The following STAG3 variants were observed in gnomAD, a reference collection of about 807,000 sequenced individuals.
STAG3 encodes the protein cohesin subunit SA-3.
In STAG3, 101 loss-of-function variants were observed where a neutral mutation model predicts 160.7. That is an observed-to-expected ratio of 0.63 (90% confidence interval 0.54 to 0.74). The LOEUF is 0.74. Among genes scored for constraint, STAG3 ranks in the 30% least tolerant of loss-of-function variants. The probability of loss-of-function intolerance (pLI) is 0.00; values close to 1 mark genes in which losing one functional copy is unlikely to be tolerated. For missense variants in STAG3, 1,188 were observed against 1,517.4 expected, an observed-to-expected ratio of 0.78 and a Z score of 3.61; for synonymous variants, 519 against 585.0, an observed-to-expected ratio of 0.89 and a Z score of 1.63.
chr7:100,183,248 A>T (rs1311722717), intron 4 of STAG3, among the ~76,000 whole-genome samples: 1 of 152,178 alleles, frequency 6.6e-6, no homozygotes, highest in Non-Finnish European at 1.5e-5. Flanking sequence ...TTCTGACCTC[A>T]GGTGATCCGC....
chr7:100,200,216 C>A lies in STAG3; in HGVS notation c.1678-20C>A. 1 of 1,602,314 alleles carries A rather than the reference C, an allele frequency of 6.2e-7. No homozygotes were observed. The highest frequency in any genetic ancestry group is 8.5e-7 in the Non-Finnish European group (1 of 1,174,080). On this transcript the variant is annotated intron_variant, in intron 16 of 33. Coordinates refer to ENST00000615138, the MANE Select transcript of STAG3 (RefSeq NM_001282717.2). ...GTGTTTCTTTACACCTCCCCCACCC[C>A]CAAGTGACTCTCATTCCAGGGCTTA...
At chr7:100,205,829 CA>C (rs111450430) in intron 29 of STAG3, among the ~76,000 whole-genome samples, 4,904 of 95,708 alleles carry the variant, frequency 0.051, 217 homozygotes, top group African/African-American at 0.14. Flanking sequence ...GACTCTGTCT[CA>C]AAAAAAAAAA....
At chr7:100,217,645 G>A (rs530843231), downstream of STAG3, among the ~76,000 whole-genome samples, 1 of 152,186 alleles carries the variant, frequency 6.6e-6, no homozygotes, top group Admixed American at 6.5e-5. Flanking sequence ...CAAGGCAAAG[G>A]GGGCAGGGTA....
At chr7:100,204,947 A>C (rs1376238692) in intron 27 of STAG3, 58 bp from the exon 28 acceptor site, 1 of 1,593,350 alleles carries the variant, frequency 6.3e-7, no homozygotes, top group African/African-American at 1.3e-5. Flanking sequence ...AGGATAGCTC[A>C]GGCCTGGGAG....
In STAG3 at chr7:100,180,500, G is replaced by T. The variant is rs144089813; in HGVS notation, c.-57G>T. The T allele has an allele frequency of 9.8e-7, 1 of 1,017,530 alleles. No individual in the cohort carries two copies. Among genetic ancestry groups the T allele is most frequent in the Non-Finnish European group, 1.6e-6 (1 of 637,916 alleles). The allele number at this position is 1,017,530 out of a possible 1,614,324, so 63.0% of individuals were successfully genotyped here. On this transcript the variant is annotated 5_prime_UTR_variant, in exon 2 of 34. Coordinates refer to ENST00000615138, the MANE Select transcript of STAG3 (RefSeq NM_001282717.2). Reference sequence around the variant, plus strand: ...CTTCTCTTTCTTCCCCAGCTGGATCGCCATACCTACCCTGTGGTCCTCATC... The same window carrying T: ...CTTCTCTTTCTTCCCCAGCTGGATCTCCATACCTACCCTGTGGTCCTCATC...
rs779982767 is a variant in STAG3 at position 100,201,095 on chromosome 7, C to T, written c.2067C>T (p.Ser689=). The T allele has an allele frequency of 3.7e-6, 6 of 1,614,028 alleles. No individual in the cohort carries two copies. The South Asian group carries it at 5.5e-5, about 15-fold the overall frequency. Reference sequence around the variant, plus strand: ...GGATCTTCTTTCCTTCTCAGTCGTCCTTCCTAGATGAGGATGAGGTATATA... The same window carrying T: ...GGATCTTCTTTCCTTCTCAGTCGTCTTTCCTAGATGAGGATGAGGTATATA... The part of the protein sequence containing the change: ...QQELEELLQS[S]FLDEDEVYNL... The change falls in exon 20 of 34, where the codon TCC becomes TCT. Residue 689 remains serine (S), a synonymous_variant. Transcript: ENST00000615138.
At chr7:100,206,604 T>A (rs1801678055) in intron 29 of STAG3, among the ~76,000 whole-genome samples, 1 of 152,062 alleles carries the variant, frequency 6.6e-6, no homozygotes, top group South Asian at 2.1e-4. Flanking sequence ...CCTGAGTAGT[T>A]GGGATTACAG....
chr7:100,188,113 C>G (rs1800142541), intron 5 of STAG3, among the ~76,000 whole-genome samples: 1 of 152,158 alleles, frequency 6.6e-6, no homozygotes, highest in Admixed American at 6.5e-5. Flanking sequence ...ACATATTCCT[C>G]AGGAATTTGG....
At chr7:100,189,088 ATCT>A in intron 7 of STAG3, 72 bp downstream of exon 7, 1 of 1,538,582 alleles carries the variant, frequency 6.5e-7, no homozygotes, top group Non-Finnish European at 8.9e-7. Flanking sequence ...CTGATTCAGG[ATCT>A]TCTTTCCTAC....
intron 8 of STAG3, among the ~76,000 whole-genome samples, chr7:100,190,978 G>A (rs1237934031): frequency 6.6e-6 from 1 of 152,124 alleles, no homozygotes; most frequent in South Asian, 2.1e-4. Context: ...AGTATGTCCT[G>A]TCGAAAATGA....
At chr7:100,191,601 A>G (rs1279089100) in intron 8 of STAG3, among the ~76,000 whole-genome samples, 1 of 152,238 alleles carries the variant, frequency 6.6e-6, no homozygotes, top group Non-Finnish European at 1.5e-5. Flanking sequence ...TTGCTAAAAA[A>G]TGCTAATGAC....
chr7:100,180,720 C>T, intron 2 of STAG3, 48 bp downstream of exon 2: 2 of 1,181,266 alleles, frequency 1.7e-6, no homozygotes, highest in Non-Finnish European at 2.5e-6. Context: ...CCCTGGCAGC[C>T]TTCCCCCTCG....
chr7:100,217,745 G>A (rs569987220), downstream of STAG3, among the ~76,000 whole-genome samples: 3 of 152,180 alleles, frequency 2.0e-5, no homozygotes, highest in East Asian at 5.8e-4. Context: ...TAGCCGAGGC[G>A]GAGAGAGAGA....
rs190093945 is a variant in STAG3, at chr7:100,196,335, C to T, written c.942-821C>T. On this transcript the variant is annotated intron_variant, in intron 9 of 33. Coordinates refer to ENST00000615138, the MANE Select transcript of STAG3 (RefSeq NM_001282717.2). ...TCACTGTGTTGCCCAGGCTGGAGTG[C>T]AGTGGTGCGATCTCGGCTCACGGCA... Among the ~76,000 whole-genome samples, 546 of 151,058 alleles carry T rather than the reference C, an allele frequency of 3.6e-3. 1 individual carries two copies. Among genetic ancestry groups the T allele is most frequent in the African/African-American group, 0.012 (484 of 41,170 alleles).
chr7:100,188,504 A>G lies in STAG3; in HGVS notation c.485A>G (p.Gln162Arg), dbSNP rs531783577. Reference protein sequence around the residue: ...FKKMSNSEIIQHLTEQFNEDS... With the variant: ...FKKMSNSEIIRHLTEQFNEDS... ...AAGATGTCCAACTCAGAGATCATCC[A>G]GCACCTAACAGAGCAGTTTAATGAG... Residue 162 changes from glutamine (Q) to arginine (R), a missense_variant, in exon 6 of 34, where the codon CAG (glutamine) becomes CGG (arginine). By Grantham distance (43) the Gln-to-Arg change is conservative (BLOSUM62 1). Coordinates refer to ENST00000615138, the MANE Select transcript of STAG3 (RefSeq NM_001282717.2). The G allele has an allele frequency of 3.1e-6, 5 of 1,613,716 alleles. No homozygotes were observed. Among genetic ancestry groups the G allele is most frequent in the Non-Finnish European group, 4.2e-6 (5 of 1,179,554 alleles).
downstream of STAG3, among the ~76,000 whole-genome samples, chr7:100,217,500 TGAGA>T (rs1802862297): frequency 6.7e-6 from 1 of 148,892 alleles, no homozygotes; most frequent in Non-Finnish European, 1.5e-5. Flanking sequence ...TGTGCGGAGA[TGAGA>T]GATGGTAGAA....
In STAG3 at chr7:100,182,820, C is replaced by A. The variant is rs567570365; in HGVS notation, c.317C>A (p.Ala106Asp). ...AATGATCTTTTCAATGCTGTGAAAG[C>A]CGCCAAAAGTGACATGCAGGTAAAG... ...PANDLFNAVK[A>D]AKSDMQSLVD... is the part of the protein sequence containing the mutation. The change falls in exon 4 of 34, where the codon GCC becomes GAC. Residue 106 changes from alanine to aspartate, a missense_variant. This residue lies in a region of STAG3 where 296 missense variants were observed against 404.0 expected (regional missense o/e 0.73). Coordinates refer to ENST00000615138, the MANE Select transcript of STAG3 (RefSeq NM_001282717.2). 72 of 1,613,874 alleles carry A rather than the reference C, an allele frequency of 4.5e-5. No individual in the cohort carries two copies. Among genetic ancestry groups the A allele is most frequent in the Non-Finnish European group, 4.9e-5 (58 of 1,179,864 alleles).
In STAG3 at chr7:100,211,790, A is replaced by G; in HGVS notation, c.3519-5A>G. ...GAAAAGCCAGTCTCTTTGCCCCTAC[A>G]TCAGACTCAGCCTTATGGAAGAGGA... On this transcript the variant is annotated splice_region_variant and splice_polypyrimidine_tract_variant and intron_variant, in intron 31 of 33. Transcript: ENST00000615138. 6.2e-7 allele frequency: 1 copy of G among 1,613,966 alleles called. No individual in the cohort carries two copies. Among genetic ancestry groups the G allele is most frequent in the Non-Finnish European group, 8.5e-7 (1 of 1,179,934 alleles).
chr7:100,212,086 A>C, intron 32 of STAG3: 1 of 509,418 alleles, frequency 2.0e-6, no homozygotes, highest in South Asian at 2.7e-5. Context: ...TACAAATACC[A>C]AAGAAGGTTG....
Sources: allele counts gnomAD v4.1 joint callset (sites outside exome capture counted in the v4.1 genomes callset), GRCh38; gene constraint gnomAD v4.1.1; regional missense constraint gnomAD v4.1.1; transcripts MANE v1.5; gene names NCBI Gene and HGNC (gene_info 2026-07-23, HGNC 2026-07-21).